RNF180: variants seen among roughly 807,000 people sequenced by gnomAD.
The protein encoded by RNF180 is E3 ubiquitin-protein ligase RNF180.
A neutral mutation model predicts 59.2 loss-of-function variants in RNF180; 38 were observed. The observed-to-expected ratio is 0.64, with a 90% CI of 0.50 to 0.84. RNF180 has a LOEUF of 0.84. Among genes scored for constraint, RNF180 ranks in the 40% least tolerant of loss-of-function variants. The probability of loss-of-function intolerance (pLI) is 0.00; values close to 1 mark genes in which losing one functional copy is unlikely to be tolerated. For missense variants in RNF180, 705 were observed against 700.9 expected (o/e 1.01, Z -0.07); for synonymous variants, 262 against 240.3 (o/e 1.09, Z -0.84).
intron 5 of RNF180, among the ~76,000 whole-genome samples, chr5:64,235,466 C>G (rs1742380193): frequency 6.6e-6 from 1 of 151,988 alleles, no homozygotes; most frequent in South Asian, 2.1e-4. Context: ...AACACTGTTT[C>G]CCCTTAGGAT....
At position 64,359,001 on chromosome 5, in the gene RNF180, A is replaced by T. The variant is rs1341311518; in HGVS notation, c.1580-10614A>T. 2.0e-5 allele frequency among the ~76,000 whole-genome samples: 3 copies of T among 150,798 alleles called. No individual in the cohort carries two copies. The East Asian group carries it at 5.9e-4, about 30-fold the overall frequency. On this transcript the variant is annotated intron_variant, in intron 7 of 7. Transcript: ENST00000389100. ...ATGGCTGCATAGTATTCCATGGTGT[A>T]TATGTGCCACATTTTCTTAATCCAG...
intron 5 of RNF180, among the ~76,000 whole-genome samples, chr5:64,257,235 C>T (rs1294323534): frequency 2.6e-5 from 4 of 152,186 alleles, no homozygotes; most frequent in Non-Finnish European, 5.9e-5. Flanking sequence ...ACTTCCAACA[C>T]TACGTTGAAT....
chr5:64,293,865 A>C (rs1742737743), intron 5 of RNF180, among the ~76,000 whole-genome samples: 1 of 152,208 alleles, frequency 6.6e-6, no homozygotes, highest in Non-Finnish European at 1.5e-5. Flanking sequence ...GAAAAGTGAA[A>C]TATTTTGAAA....
intron 1 of RNF180, among the ~76,000 whole-genome samples, chr5:64,199,122 TA>T (rs1003139672): frequency 6.6e-6 from 1 of 152,132 alleles, no homozygotes. Context: ...CCGGCCAAAT[TA>T]AATGATTTTT....
chr5:64,264,694 T>C (rs1311493361), intron 5 of RNF180, among the ~76,000 whole-genome samples: 1 of 152,206 alleles, frequency 6.6e-6, no homozygotes, highest in Non-Finnish European at 1.5e-5. Flanking sequence ...TAAACATACA[T>C]GTGCATATGT....
At chr5:64,288,405 AT>A (rs1415763977) in intron 5 of RNF180, among the ~76,000 whole-genome samples, 1 of 152,152 alleles carries the variant, frequency 6.6e-6, no homozygotes, top group Non-Finnish European at 1.5e-5. Flanking sequence ...TTACATATGA[AT>A]TTTTAAATAG....
chr5:64,167,001 T>C (rs1321073477), intron 1 of RNF180, among the ~76,000 whole-genome samples: 2 of 152,222 alleles, frequency 1.3e-5, no homozygotes, highest in Non-Finnish European at 2.9e-5. Context: ...AAAGTGATAC[T>C]TGAAAGATCA....
At chr5:64,237,714 G>A (rs963021268) in intron 5 of RNF180, among the ~76,000 whole-genome samples, 15 of 152,132 alleles carry the variant, frequency 9.9e-5, no homozygotes, top group African/African-American at 3.4e-4. Flanking sequence ...GATTGGGTGG[G>A]AAGTGATTGG....
chr5:64,199,064 C>T (rs927135310), intron 1 of RNF180, among the ~76,000 whole-genome samples: 4 of 152,214 alleles, frequency 2.6e-5, no homozygotes, highest in Admixed American at 6.5e-5. Flanking sequence ...ATGATCCACC[C>T]GCCTTGGCCT....
intron 7 of RNF180, among the ~76,000 whole-genome samples, chr5:64,366,364 G>T (rs1382461112): frequency 6.6e-6 from 1 of 151,348 alleles, no homozygotes; most frequent in Non-Finnish European, 1.5e-5. Context: ...TTTGTAGGTG[G>T]TCTTTCTCTC....
intron 5 of RNF180, among the ~76,000 whole-genome samples, chr5:64,277,363 G>C (rs1741780858): frequency 1.3e-5 from 2 of 152,054 alleles, no homozygotes; most frequent in Admixed American, 1.3e-4. Context: ...AAGTGGAAAA[G>C]ATTGATCAAT....
At chr5:64,198,198 C>G (rs763357919) in intron 1 of RNF180, among the ~76,000 whole-genome samples, 2 of 152,072 alleles carry the variant, frequency 1.3e-5, no homozygotes, top group Non-Finnish European at 2.9e-5. Context: ...ATTTTACATT[C>G]TTTTTTTCTA....
At chr5:64,348,663 G>A (rs1341416902) in intron 7 of RNF180, among the ~76,000 whole-genome samples, 2 of 151,846 alleles carry the variant, frequency 1.3e-5, no homozygotes, top group African/African-American at 2.4e-5. Context: ...TTTCTAAATT[G>A]AATTGTCATT....
chr5:64,254,618 A>G (rs1743814661), intron 5 of RNF180, among the ~76,000 whole-genome samples: 1 of 152,168 alleles, frequency 6.6e-6, no homozygotes, highest in Non-Finnish European at 1.5e-5. Flanking sequence ...CTATTAATAA[A>G]AATATAGATA....
chr5:64,241,556 C>A (rs1742808123), intron 5 of RNF180, among the ~76,000 whole-genome samples: 1 of 152,128 alleles, frequency 6.6e-6, no homozygotes, highest in Non-Finnish European at 1.5e-5. Context: ...TTGCATTTGA[C>A]AGCTTTCTTA....
At chr5:64,344,319 T>C (rs931538532) in intron 7 of RNF180, among the ~76,000 whole-genome samples, 4 of 152,028 alleles carry the variant, frequency 2.6e-5, no homozygotes, top group African/African-American at 4.8e-5. Flanking sequence ...AATTAGACTT[T>C]AAGTGAACAG....
chr5:64,312,264 CAACTT>C (rs1743804891), intron 5 of RNF180, among the ~76,000 whole-genome samples: 1 of 152,070 alleles, frequency 6.6e-6, no homozygotes, highest in African/African-American at 2.4e-5. Context: ...AACAAGATCT[CAACTT>C]AAATAGCACA....
chr5:64,273,563 T>G lies in RNF180; in HGVS notation c.1228-51623T>G, dbSNP rs1267088095. 2.6e-5 allele frequency among the ~76,000 whole-genome samples: 4 copies of G among 151,828 alleles called. No individual in the cohort carries two copies. In the South Asian group the frequency reaches 6.2e-4, roughly 24 times the overall value. ...TTGTATCATAAAGATGAAAAAAAAG[T>G]AACACCTATTTCAAGATATTTGAAA... On this transcript the variant is annotated intron_variant, in intron 5 of 7. Transcript: ENST00000389100.
intron 5 of RNF180, among the ~76,000 whole-genome samples, chr5:64,251,579 C>T (rs1195626153): frequency 1.3e-5 from 2 of 152,144 alleles, no homozygotes; most frequent in African/African-American, 4.8e-5. Context: ...TGTACCACCA[C>T]ACCTGGCTAA....
Sources: allele counts gnomAD v4.1 joint callset (sites outside exome capture counted in the v4.1 genomes callset), GRCh38; gene constraint gnomAD v4.1.1; transcripts MANE v1.5; gene names NCBI Gene and HGNC (gene_info 2026-07-23, HGNC 2026-07-21).